Variants in LGSN observed in about 807,000 individuals in gnomAD.
LGSN encodes the protein lengsin, lens protein with glutamine synthetase domain, also known as lengsin.
A neutral mutation model predicts 19.5 loss-of-function variants in LGSN; 21 were observed. The ratio of observed to expected loss-of-function variants is 1.07; its 90% CI spans 0.76 to 1.55. The LOEUF is 1.55. Ranked by LOEUF, LGSN falls within the 40% of genes most tolerant of loss-of-function variation. LGSN has a pLI of 0.00. For missense variants in LGSN, 673 were observed against 608.5 expected, an observed-to-expected ratio of 1.11 and a Z score of -1.12; for synonymous variants, 257 against 215.6, an observed-to-expected ratio of 1.19 and a Z score of -1.68.
the LGSN span, among the ~76,000 whole-genome samples, chr6:63,493,661 G>A: frequency 3.3e-5 from 5 of 152,098 alleles, no homozygotes; most frequent in Non-Finnish European, 2.9e-5. Flanking sequence ...CCAGTACCAT[G>A]ACTATAGATT....
chr6:63,503,833 C>CA, the LGSN span, among the ~76,000 whole-genome samples: 16 of 152,058 alleles, frequency 1.1e-4, no homozygotes, highest in African/African-American at 3.9e-4. Context: ...GGAGAATCAC[C>CA]AGAGCCTGAG....
chr6:63,524,881 T>G, the LGSN span, among the ~76,000 whole-genome samples: 1 of 152,232 alleles, frequency 6.6e-6, no homozygotes, highest in Admixed American at 6.5e-5. Flanking sequence ...ATGGACAAAT[T>G]TTTAAATTGC....
At chr6:63,388,283 G>A in the LGSN span, among the ~76,000 whole-genome samples, 2 of 152,116 alleles carry the variant, frequency 1.3e-5, no homozygotes, top group African/African-American at 4.8e-5. Flanking sequence ...AATTTCACAA[G>A]GTAGGCAGTT....
chr6:63,294,862 G>A, intron 2 of LGSN, 51 bp downstream of exon 2: 2 of 1,572,848 alleles, frequency 1.3e-6, no homozygotes, highest in South Asian at 1.1e-5. Flanking sequence ...AAGACCAAAT[G>A]GAGATTGCCT....
chr6:63,464,984 C>CGGTGT, the LGSN span, among the ~76,000 whole-genome samples: 2 of 149,448 alleles, frequency 1.3e-5, no homozygotes, highest in Non-Finnish European at 3.0e-5. Context: ...TGAGATCACA[C>CGGTGT]CATTGCACTA....
In LGSN at chr6:63,281,228, A is replaced by G. The variant is rs1767299212; in HGVS notation, c.331-8T>C. On this transcript the variant is annotated splice_polypyrimidine_tract_variant and splice_region_variant and intron_variant, in intron 3 of 3. Coordinates refer to ENST00000370657, the MANE Select transcript of LGSN (RefSeq NM_016571.3). ...ACCATGGCTCACTTTCTCCTAAAGAAGGAAAAAAATGAAGAAATTAGGTTT... is the reference window on the plus strand; with the variant it reads ...ACCATGGCTCACTTTCTCCTAAAGAGGGAAAAAAATGAAGAAATTAGGTTT... The G allele has an allele frequency of 1.4e-6, 2 of 1,467,504 alleles. No homozygotes were observed. The highest frequency in any genetic ancestry group is 3.2e-5 in the South Asian group (2 of 63,028). 90.9% of individuals were successfully genotyped at this position (1,467,504 alleles called of 1,614,324 possible). A position where few individuals can be genotyped will look rare whatever the true frequency, so the allele number is the denominator to read the frequency against.
At chr6:63,384,953 G>A in the LGSN span, among the ~76,000 whole-genome samples, 1 of 152,220 alleles carries the variant, frequency 6.6e-6, no homozygotes, top group African/African-American at 2.4e-5. Flanking sequence ...ACAGAGGAAA[G>A]ACTATGTGGG....
At chr6:63,506,453 C>T in the LGSN span, among the ~76,000 whole-genome samples, 4 of 152,004 alleles carry the variant, frequency 2.6e-5, no homozygotes, top group Admixed American at 1.3e-4. Flanking sequence ...TTAGCAGAGA[C>T]GAGGTTTCAC....
the LGSN span, chr6:63,527,791 C>CT: frequency 6.6e-6 from 1 of 152,162 alleles, no homozygotes; most frequent in Non-Finnish European, 1.5e-5. Flanking sequence ...ATGAGCTCAC[C>CT]TGACAGATTG....
the LGSN span, among the ~76,000 whole-genome samples, chr6:63,489,497 T>C: frequency 1.3e-5 from 2 of 151,870 alleles, no homozygotes; most frequent in East Asian, 3.9e-4. Context: ...GCCTCTCAAG[T>C]AGCTGAGATT....
At chr6:63,412,755 G>GAA in the LGSN span, among the ~76,000 whole-genome samples, 1 of 52,542 alleles carries the variant, frequency 1.9e-5, no homozygotes, top group Non-Finnish European at 3.3e-5. Flanking sequence ...AAGAAAGAAA[G>GAA]AAAGAAAGAA....
chr6:63,372,357 ACC>A, the LGSN span, among the ~76,000 whole-genome samples: 1 of 152,196 alleles, frequency 6.6e-6, no homozygotes, highest in Non-Finnish European at 1.5e-5. Context: ...AGGGCTCTGT[ACC>A]CACAAAAATC....
the LGSN span, among the ~76,000 whole-genome samples, chr6:63,428,008 A>G: frequency 2.5e-4 from 38 of 152,320 alleles, no homozygotes; most frequent in African/African-American, 8.9e-4. Flanking sequence ...TTAATTCAAT[A>G]TATAATTAAA....
At chr6:63,472,832 T>C in the LGSN span, among the ~76,000 whole-genome samples, 1 of 151,870 alleles carries the variant, frequency 6.6e-6, no homozygotes, top group Non-Finnish European at 1.5e-5. Context: ...TCCCAGCTAC[T>C]TGGGAGGCTG....
the LGSN span, among the ~76,000 whole-genome samples, chr6:63,492,585 A>G: frequency 6.6e-6 from 1 of 152,202 alleles, no homozygotes; most frequent in Non-Finnish European, 1.5e-5. Flanking sequence ...AAGACCTTAC[A>G]TCTTTATTAA....
At chr6:63,505,821 G>A in the LGSN span, among the ~76,000 whole-genome samples, 23 of 152,090 alleles carry the variant, frequency 1.5e-4, no homozygotes, top group Non-Finnish European at 2.6e-4. Context: ...CACCACGCCC[G>A]GCTAATTTTT....
At chr6:63,547,080 T>A in the LGSN span, among the ~76,000 whole-genome samples, 5 of 152,180 alleles carry the variant, frequency 3.3e-5, no homozygotes, top group Non-Finnish European at 2.9e-5. Flanking sequence ...AGCATTCTCC[T>A]TTCACAGGCA....
the LGSN span, among the ~76,000 whole-genome samples, chr6:63,359,012 A>T: frequency 0.13 from 19,833 of 152,078 alleles, 2,861 homozygotes; most frequent in African/African-American, 0.36. Context: ...GTCCCATCAA[A>T]ACCTAATTTA....
the LGSN span, among the ~76,000 whole-genome samples, chr6:63,413,591 T>C: frequency 6.6e-6 from 1 of 152,172 alleles, no homozygotes; most frequent in Admixed American, 6.5e-5. Flanking sequence ...TTCTGTGACC[T>C]TAGGCAAACT....
Sources: gnomAD v4.1 joint callset for allele counts (sites outside exome capture counted in the v4.1 genomes callset) on GRCh38, gnomAD v4.1.1 for gene constraint, MANE v1.5 for transcripts, NCBI Gene and HGNC (gene_info 2026-07-23, HGNC 2026-07-21) for gene names.